STMND1: variants seen among roughly 807,000 people sequenced by gnomAD.
STMND1 encodes the protein stathmin domain containing 1.
STMND1 carries 17 observed loss-of-function variants against 23.0 expected under a neutral mutation model. That is an observed-to-expected ratio of 0.74 (90% confidence interval 0.51 to 1.11). The LOEUF is 1.11. STMND1 is among the 50% of genes least tolerant of loss of function. The pLI is 0.00. For missense variants in STMND1, 305 were observed against 329.1 expected (o/e 0.93, Z 0.57); for synonymous variants, 114 against 119.9 (o/e 0.95, Z 0.32).
intron 2 of STMND1, among the ~76,000 whole-genome samples, chr6:17,117,072 T>G (rs1256753191): frequency 6.6e-6 from 1 of 151,970 alleles, no homozygotes; most frequent in African/African-American, 2.4e-5. Context: ...ACCTTTTTTT[T>G]GTTTGTTTTT....
At chr6:17,129,853 GA>G (rs1024339930) in intron 4 of STMND1, among the ~76,000 whole-genome samples, 102 of 147,904 alleles carry the variant, frequency 6.9e-4, no homozygotes, top group African/African-American at 1.4e-3. Context: ...CCAAAAAAAA[GA>G]AAAAAAAAAT....
intron 1 of STMND1, 26 bp from the exon 2 acceptor site, chr6:17,114,936 C>G: frequency 6.7e-7 from 1 of 1,491,896 alleles, no homozygotes; most frequent in Non-Finnish European, 8.9e-7. Context: ...AATCTTGACT[C>G]TAACAAAACT....
intron 2 of STMND1, among the ~76,000 whole-genome samples, chr6:17,118,237 T>C (rs12201323): frequency 0.27 from 41,246 of 152,096 alleles, 6,125 homozygotes; most frequent in Non-Finnish European, 0.34. Flanking sequence ...CTTATGCTTA[T>C]GAAGAGTTTC....
At chr6:17,106,077 C>T (rs1307763392) in intron 1 of STMND1, among the ~76,000 whole-genome samples, 1 of 152,112 alleles carries the variant, frequency 6.6e-6, no homozygotes, top group Non-Finnish European at 1.5e-5. Flanking sequence ...CCCATTCTGT[C>T]CCTAGCTCCA....
chr6:17,126,200 A>G (rs1325904358), intron 3 of STMND1, among the ~76,000 whole-genome samples: 1 of 149,520 alleles, frequency 6.7e-6, no homozygotes, highest in Non-Finnish European at 1.5e-5. Flanking sequence ...TTACAGCGTG[A>G]GCCACTGCGC....
chr6:17,130,596 T>A lies in STMND1; in HGVS notation c.546T>A (p.Thr182=). 1 of 1,508,186 alleles carries A rather than the reference T, an allele frequency of 6.6e-7. No individual in the cohort carries two copies. Among genetic ancestry groups the A allele is most frequent in the Non-Finnish European group, 8.8e-7 (1 of 1,135,322 alleles). 93.4% of individuals were successfully genotyped at this position (1,508,186 alleles called of 1,614,324 possible). ...CATTCTTTAATACTGCATTTCAGAC[T>A]AAAGAAGAAGAAATAAGAAAAAGGC... is the stretch of plus-strand genomic sequence containing the variant. ...KMEAAEERRK[T]KEEEIRKRLR... Residue 182 remains threonine (T), a splice_region_variant and synonymous_variant, in exon 5 of 5, where the codon ACT becomes ACA. Transcript: ENST00000536551.
At position 17,102,063 on chromosome 6, in the gene STMND1, G is replaced by A. The variant is rs1407432813; in HGVS notation, c.-195G>A. On this transcript the variant is annotated 5_prime_UTR_variant, in exon 1 of 5. Coordinates refer to ENST00000536551, the MANE Select transcript of STMND1 (RefSeq NM_001190766.2). ...ATTGTGGCAACCATTCCTGGCGACT[G>A]CCCAGAAACTCAGTGCGTCCTGCCC... 6.6e-6 allele frequency among the ~76,000 whole-genome samples: 1 copy of A among 152,242 alleles called. No individual in the cohort carries two copies. Among genetic ancestry groups the A allele is most frequent in the African/African-American group, 2.4e-5 (1 of 41,470 alleles).
At chr6:17,109,991 G>A (rs1328283811) in intron 1 of STMND1, among the ~76,000 whole-genome samples, 2 of 152,016 alleles carry the variant, frequency 1.3e-5, no homozygotes, top group Non-Finnish European at 2.9e-5. Context: ...GCCTTCCACT[G>A]TCTACCCCAA....
At chr6:17,104,976 T>TA (rs550116842) in intron 1 of STMND1, among the ~76,000 whole-genome samples, 36 of 151,688 alleles carry the variant, frequency 2.4e-4, no homozygotes, top group East Asian at 1.7e-3. Flanking sequence ...ATATTCTTTT[T>TA]AAAAAAAAAC....
intron 1 of STMND1, among the ~76,000 whole-genome samples, chr6:17,111,239 T>C (rs2113478073): frequency 6.6e-6 from 1 of 152,308 alleles, no homozygotes; most frequent in South Asian, 2.1e-4. Context: ...GAACTGTGGT[T>C]TGAAGAAACA....
intron 1 of STMND1, chr6:17,110,912 T>TA (rs1397750317): frequency 8.6e-5 from 39 of 455,662 alleles, no homozygotes; most frequent in African/African-American, 6.2e-4. Flanking sequence ...AAGACCTTGA[T>TA]AGCATCCATT....
At chr6:17,129,317 T>C (rs1761353987) in intron 4 of STMND1, 74 bp downstream of exon 4, 2 of 1,441,516 alleles carry the variant, frequency 1.4e-6, no homozygotes, top group Non-Finnish European at 1.8e-6. Flanking sequence ...AGAGCTTTCC[T>C]ATCAGCAGTT....
chr6:17,130,772 A>G lies in STMND1; in HGVS notation c.722A>G (p.Lys241Arg). ...CAGGGAGGAAAACCATTGAAGAGGA[A>G]GAAGAGTAAATGTGATGCAACCTTG... ...DLQGGKPLKR[K>R]KSKCDATLID... Residue 241 changes from lysine to arginine, a missense_variant, in exon 5 of 5, where the codon AAG (lysine) becomes AGG (arginine). Lys to Arg is a conservative substitution (Grantham distance 26). Coordinates refer to ENST00000536551, the MANE Select transcript of STMND1 (RefSeq NM_001190766.2). 1 of 1,536,050 alleles carries G rather than the reference A, an allele frequency of 6.5e-7. No individual in the cohort carries two copies.
At chr6:17,126,426 A>G (rs1302731869) in intron 3 of STMND1, among the ~76,000 whole-genome samples, 2 of 152,136 alleles carry the variant, frequency 1.3e-5, no homozygotes, top group Non-Finnish European at 2.9e-5. Context: ...TGACCAAAAC[A>G]GAAAAATCCA....
At chr6:17,105,585 C>T (rs537698104) in intron 1 of STMND1, among the ~76,000 whole-genome samples, 22 of 151,558 alleles carry the variant, frequency 1.5e-4, no homozygotes, top group Non-Finnish European at 2.6e-4. Context: ...GCGGAGATTG[C>T]GGGGTGAGCT....
At chr6:17,111,483 C>G (rs1479104396) in intron 1 of STMND1, among the ~76,000 whole-genome samples, 1 of 152,058 alleles carries the variant, frequency 6.6e-6, no homozygotes, top group Non-Finnish European at 1.5e-5. Flanking sequence ...CCTACATGTC[C>G]TTCAGTAGGA....
chr6:17,129,940 G>A (rs1212860839), intron 4 of STMND1, among the ~76,000 whole-genome samples: 1 of 152,106 alleles, frequency 6.6e-6, no homozygotes. Flanking sequence ...TCCTGCCTTG[G>A]TCTCCCAAAG....
At chr6:17,117,090 C>CG (rs1761172059) in intron 2 of STMND1, among the ~76,000 whole-genome samples, 1 of 151,600 alleles carries the variant, frequency 6.6e-6, no homozygotes, top group Non-Finnish European at 1.5e-5. Context: ...TTTTTTGAGA[C>CG]GGAGTTTTTC....
At chr6:17,120,372 T>A (rs1225983484) in intron 2 of STMND1, among the ~76,000 whole-genome samples, 1 of 152,216 alleles carries the variant, frequency 6.6e-6, no homozygotes, top group African/African-American at 2.4e-5. Context: ...CTTTTTGTTA[T>A]CTTAATATGT....
Sources: allele counts gnomAD v4.1 joint callset (sites outside exome capture counted in the v4.1 genomes callset), GRCh38; gene constraint gnomAD v4.1.1; transcripts MANE v1.5; gene names NCBI Gene and HGNC (gene_info 2026-07-23, HGNC 2026-07-21).